ACER3: variants seen among roughly 807,000 people sequenced by gnomAD.
The protein encoded by ACER3 is alkaline ceramidase 3.
Under a neutral mutation model 48.9 loss-of-function variants are expected in ACER3, and 16 were observed. The ratio of observed to expected loss-of-function variants is 0.33; its 90% CI spans 0.22 to 0.50. The LOEUF is 0.50. Ranked by LOEUF, ACER3 falls within the 20% of genes least tolerant of loss-of-function variation. The pLI is 0.98. For missense variants in ACER3, 227 were observed against 326.0 expected (o/e 0.70, Z 2.34); for synonymous variants, 109 against 107.8 (o/e 1.01, Z -0.07).
At chr11:77,012,416 CAAAAAAA>C (rs35917677) in intron 7 of ACER3, among the ~76,000 whole-genome samples, 26 of 21,392 alleles carry the variant, frequency 1.2e-3, no homozygotes, top group African/African-American at 3.2e-3. Context: ...GACTCCATCT[CAAAAAAA>C]AAAAAAAAAA....
At chr11:77,017,487 G>T (rs1364068859) in intron 9 of ACER3, among the ~76,000 whole-genome samples, 1 of 152,106 alleles carries the variant, frequency 6.6e-6, no homozygotes, top group Non-Finnish European at 1.5e-5. Flanking sequence ...GCAAACAAAT[G>T]AAAAGACATC....
At chr11:76,990,493 T>G in intron 5 of ACER3, 46 bp from the exon 6 acceptor site, 20 of 1,256,606 alleles carry the variant, frequency 1.6e-5, no homozygotes, top group Non-Finnish European at 2.2e-5. Context: ...TTTTCCCCCC[T>G]TCATAATGTA....
At chr11:76,886,456 G>A (rs1388455484) in intron 1 of ACER3, among the ~76,000 whole-genome samples, 1 of 152,176 alleles carries the variant, frequency 6.6e-6, no homozygotes, top group African/African-American at 2.4e-5. Flanking sequence ...AAGTCAGGTA[G>A]AAATACCATT....
At chr11:77,014,939 A>G (rs1949339972) in intron 7 of ACER3, 77 bp from the exon 8 acceptor site, 2 of 881,530 alleles carry the variant, frequency 2.3e-6, no homozygotes, top group Admixed American at 4.0e-5. Flanking sequence ...AAAAAGGAAG[A>G]AAGTGATGGC....
At chr11:76,946,025 A>C (rs1198737928) in intron 2 of ACER3, among the ~76,000 whole-genome samples, 1 of 152,176 alleles carries the variant, frequency 6.6e-6, no homozygotes, top group Non-Finnish European at 1.5e-5. Flanking sequence ...TAAACTCTCA[A>C]AATGGTGCTA....
At chr11:76,998,423 A>G (rs201159422) in intron 6 of ACER3, 3 of 213,528 alleles carry the variant, frequency 1.4e-5, no homozygotes, top group South Asian at 7.5e-5. Flanking sequence ...GCTGAAAGCA[A>G]AGCTAAAGAG....
At chr11:76,872,115 C>T (rs1945258127) in intron 1 of ACER3, among the ~76,000 whole-genome samples, 2 of 142,138 alleles carry the variant, frequency 1.4e-5, no homozygotes, top group South Asian at 2.3e-4. Context: ...CTTGCTCTGT[C>T]GCGGAGGCTG....
intron 10 of ACER3, 51 bp from the exon 11 acceptor site, chr11:77,020,223 C>T (rs1238175705): frequency 3.8e-6 from 6 of 1,578,884 alleles, no homozygotes; most frequent in South Asian, 3.3e-5. Context: ...TCAGGGATAA[C>T]ATGGAACAAT....
At chr11:76,991,587 G>A (rs148816494) in intron 6 of ACER3, among the ~76,000 whole-genome samples, 3,442 of 151,854 alleles carry the variant, frequency 0.023, 138 homozygotes, top group African/African-American at 0.079. Context: ...AGGCCGAGGC[G>A]GGTGGATCAC....
intron 7 of ACER3, among the ~76,000 whole-genome samples, chr11:77,006,223 A>G (rs1339225279): frequency 6.6e-6 from 1 of 151,622 alleles, no homozygotes; most frequent in Admixed American, 6.6e-5. Context: ...TCCTGACCTC[A>G]GGTGATCCAC....
chr11:76,896,948 T>G (rs569745168), intron 1 of ACER3, among the ~76,000 whole-genome samples: 27 of 152,042 alleles, frequency 1.8e-4, no homozygotes, highest in South Asian at 4.2e-4. Flanking sequence ...GTTGTTGTTG[T>G]TGGTTTTTTG....
intron 1 of ACER3, among the ~76,000 whole-genome samples, chr11:76,919,285 T>A (rs1946623127): frequency 6.6e-6 from 1 of 152,210 alleles, no homozygotes. Flanking sequence ...CCACCTACTG[T>A]CCTATGAGAA....
intron 3 of ACER3, among the ~76,000 whole-genome samples, chr11:76,969,449 A>G (rs1286705928): frequency 1.3e-5 from 2 of 152,184 alleles, no homozygotes; most frequent in East Asian, 1.9e-4. Context: ...TATTGGGTAT[A>G]TACTCAAAGG....
At chr11:76,976,418 T>G (rs1169517025) in intron 4 of ACER3, 77 bp downstream of exon 4, 1 of 743,816 alleles carries the variant, frequency 1.3e-6, no homozygotes, top group African/African-American at 1.8e-5. Flanking sequence ...ATATAACTGA[T>G]ACATTTATAT....
At chr11:76,901,188 G>A (rs1479287079) in intron 1 of ACER3, among the ~76,000 whole-genome samples, 3 of 151,700 alleles carry the variant, frequency 2.0e-5, no homozygotes, top group Non-Finnish European at 4.4e-5. Flanking sequence ...GCATTTAAGG[G>A]GGTAGATCAC....
At position 76,877,929 on chromosome 11, in the gene ACER3, CTT is replaced by C. The variant is rs35466435; in HGVS notation, c.103+16860_103+16861del. On this transcript the variant is annotated intron_variant, in intron 1 of 10. Coordinates refer to ENST00000532485, the MANE Select transcript of ACER3 (RefSeq NM_018367.7). Reference sequence around the variant, plus strand: ...TATATGTACATTCTTCCACAGCTTGCTTTTTTTTTTTAAACACAAATTGTGCT... The same window carrying C: ...TATATGTACATTCTTCCACAGCTTGCTTTTTTTTTAAACACAAATTGTGCT... Among the ~76,000 whole-genome samples the C allele has an allele frequency of 3.1e-3, 463 of 149,284 alleles. 3 individuals carry two copies. The highest frequency in any genetic ancestry group is 0.021 in the Middle Eastern group (6 of 286).
At chr11:76,967,748 G>A (rs186147532) in intron 3 of ACER3, among the ~76,000 whole-genome samples, 13 of 152,254 alleles carry the variant, frequency 8.5e-5, no homozygotes, top group South Asian at 2.1e-4. Flanking sequence ...ACAGCCCTTC[G>A]TGCTAAAAGC....
intron 2 of ACER3, among the ~76,000 whole-genome samples, chr11:76,953,051 A>G (rs192537203): frequency 5.9e-5 from 9 of 152,314 alleles, no homozygotes; most frequent in Non-Finnish European, 1.2e-4. Flanking sequence ...TATTCCAGGC[A>G]GAAGTGACAG....
At chr11:76,982,256 C>T (rs568264810) in intron 4 of ACER3, among the ~76,000 whole-genome samples, 68 of 142,360 alleles carry the variant, frequency 4.8e-4, no homozygotes, top group Non-Finnish European at 8.2e-4. Context: ...CTCGCTCTGT[C>T]GCCACTCTGG....
Sources: allele counts gnomAD v4.1 joint callset (sites outside exome capture counted in the v4.1 genomes callset), GRCh38; gene constraint gnomAD v4.1.1; transcripts MANE v1.5; gene names NCBI Gene and HGNC (gene_info 2026-07-23, HGNC 2026-07-21).